Variants in CARMIL3 observed in about 807,000 individuals in gnomAD.
CARMIL3 encodes the protein capping protein, Arp2/3 and myosin-I linker protein 3.
A neutral mutation model predicts 180.8 loss-of-function variants in CARMIL3; 88 were observed. The ratio of observed to expected loss-of-function variants is 0.49; its 90% CI spans 0.41 to 0.58. CARMIL3 has a LOEUF of 0.58. Ranked by LOEUF, CARMIL3 falls within the 20% of genes least tolerant of loss-of-function variation. The pLI, the probability that CARMIL3 is intolerant of heterozygous loss-of-function variation, is 0.00. For synonymous variants in CARMIL3, 696 were observed against 714.5 expected (o/e 0.97, Z 0.41); for missense variants, 1,548 against 1,787.0 (o/e 0.87, Z 2.41).
At position 24,063,471 on chromosome 14, in the gene CARMIL3, C is replaced by G. The variant is rs202096319; in HGVS notation, c.2917C>G (p.His973Asp). The G allele has an allele frequency of 3.7e-6, 6 of 1,613,842 alleles. No homozygotes were observed. Among genetic ancestry groups the G allele is most frequent in the Non-Finnish European group, 1.7e-6 (2 of 1,180,026 alleles). The change falls in exon 31 of 40, where the codon CAT (histidine) becomes GAT (aspartate). Residue 973 changes from histidine to aspartate, a missense_variant. Physicochemically the swap from His to Asp is moderately conservative, Grantham distance 81. Coordinates refer to ENST00000342740, the MANE Select transcript of CARMIL3 (RefSeq NM_138360.4). ...ELPTHGYKLRHQTQGRPRPPR... is the reference protein window; with the variant it reads ...ELPTHGYKLRDQTQGRPRPPR... ...GCCCACTCATGGTTACAAACTAAGGCATCAAACACAAGGGAGGCCCCGCCC... is the reference window on the plus strand; with the variant it reads ...GCCCACTCATGGTTACAAACTAAGGGATCAAACACAAGGGAGGCCCCGCCC...
chr14:24,062,470 G>C lies in CARMIL3; in HGVS notation c.2481-10G>C. ...GCTAATGTTCTGAGTAGCCCCACCT[G>C]TGCCCACAGTGAAGTGAAGCTCTCA... On this transcript the variant is annotated splice_polypyrimidine_tract_variant and intron_variant, in intron 27 of 39. Transcript: ENST00000342740. 1.2e-6 allele frequency: 2 copies of C among 1,613,610 alleles called. No homozygotes were observed. The highest frequency in any genetic ancestry group is 8.5e-7 in the Non-Finnish European group (1 of 1,179,508).
chr14:24,065,611 C>A lies in CARMIL3; in HGVS notation c.3397-11C>A. ...CTGGGAACTGCTAATAAATAAGAGACCTTGTTCTAGGGCACTGAGGGGTCA... is the reference window on the plus strand; with the variant it reads ...CTGGGAACTGCTAATAAATAAGAGAACTTGTTCTAGGGCACTGAGGGGTCA... On this transcript the variant is annotated splice_polypyrimidine_tract_variant and intron_variant, in intron 33 of 39. Coordinates refer to ENST00000342740, the MANE Select transcript of CARMIL3 (RefSeq NM_138360.4). 6.3e-7 allele frequency: 1 copy of A among 1,597,994 alleles called. No individual in the cohort carries two copies. Among genetic ancestry groups the A allele is most frequent in the Non-Finnish European group, 8.5e-7 (1 of 1,173,816 alleles).
Position 24,069,497 on chromosome 14 carries a change from C to A in CARMIL3, c.*93C>A. 1 of 1,545,316 alleles carries A rather than the reference C, an allele frequency of 6.5e-7. No homozygotes were observed. ...CCAGTCCCCAGGGCCCCCTGCCAGC[C>A]CCTGTCCTACAGGGGCAAGACGGCA... On this transcript the variant is annotated 3_prime_UTR_variant, in exon 40 of 40. Transcript: ENST00000342740.
rs781530262 is a variant in CARMIL3 at position 24,065,214 on chromosome 14, G to A, written c.3337G>A (p.Glu1113Lys). 1.9e-6 allele frequency: 3 copies of A among 1,559,438 alleles called. No homozygotes were observed. The highest frequency in any genetic ancestry group is 4.6e-5 in the East Asian group (2 of 43,488). ...CTCTCCCTGCTGGAGCCCAGAGGAG[G>A]AGAGCAGCCTCCTCCCTGGATTTGG... ...NSSPCWSPEE[E>K]SSLLPGFGGG... The change falls in exon 33 of 40, where the codon GAG becomes AAG. Residue 1113 changes from glutamate to lysine, a missense_variant. This residue lies in a region of CARMIL3 where 668 missense variants were observed against 687.8 expected (regional missense o/e 0.97). Coordinates refer to ENST00000342740, the MANE Select transcript of CARMIL3 (RefSeq NM_138360.4).
At chr14:24,068,755 A>C (rs1162726411) in intron 37 of CARMIL3, 31 bp from the exon 38 acceptor site, 3 of 1,613,906 alleles carry the variant, frequency 1.9e-6, no homozygotes, top group Non-Finnish European at 2.5e-6. Flanking sequence ...CAAAGGGACT[A>C]ACTGACCCAG....
rs2035624340 is a variant in CARMIL3, at chr14:24,052,252, G to GT, written c.40+61dup. ...TCCGGGAGCATCCCAGACCCAGCGC[G>GT]TTCCTCCCCGTGGTGCATCCCAGCC... On this transcript the variant is annotated intron_variant, in intron 1 of 39. Transcript: ENST00000342740. 11 of 1,506,762 alleles carry GT rather than the reference G, an allele frequency of 7.3e-6. 1 individual carries two copies. In the South Asian group the frequency reaches 1.2e-4, roughly 17 times the overall value. The allele number at this position is 1,506,762 out of a possible 1,614,324, so 93.3% of individuals were successfully genotyped here.
Position 24,064,010 on chromosome 14 carries a change from C to T in CARMIL3, c.2980-236C>T, listed in dbSNP as rs553764393. Among the ~76,000 whole-genome samples, 286 of 149,938 alleles carry T rather than the reference C, an allele frequency of 1.9e-3. 1 individual carries two copies. Among genetic ancestry groups the T allele is most frequent in the African/African-American group, 3.1e-3 (128 of 40,714 alleles). On this transcript the variant is annotated intron_variant, in intron 31 of 39. Coordinates refer to ENST00000342740, the MANE Select transcript of CARMIL3 (RefSeq NM_138360.4). ...TCGGGAGGCTGAGGCAGGAGAACTG[C>T]GTGAACCCAGGAGGCGGAGGTTGCA... is the stretch of plus-strand genomic sequence containing the variant.
chr14:24,063,275 G>T, intron 30 of CARMIL3, 50 bp from the exon 31 acceptor site: 1 of 1,590,610 alleles, frequency 6.3e-7, no homozygotes, highest in South Asian at 1.1e-5. Context: ...TCCCCATCCT[G>T]CTTTCTCCCC....
At chr14:24,065,923 G>A (rs2035782721) in intron 34 of CARMIL3, among the ~76,000 whole-genome samples, 173 bp downstream of exon 34, 1 of 152,112 alleles carries the variant, frequency 6.6e-6, no homozygotes, top group African/African-American at 2.4e-5. Flanking sequence ...GCCCTGGACT[G>A]GTCACTTCAC....
intron 1 of CARMIL3, 86 bp downstream of exon 1, chr14:24,052,279 G>T: frequency 7.4e-7 from 1 of 1,360,032 alleles, no homozygotes; most frequent in Non-Finnish European, 9.9e-7. Context: ...ATCCCAGCCC[G>T]GTGTCTCACA....
Position 24,065,059 on chromosome 14 carries a change from C to A in CARMIL3, c.3182C>A (p.Pro1061His). 1 of 1,603,730 alleles carries A rather than the reference C, an allele frequency of 6.2e-7. No individual in the cohort carries two copies. Among genetic ancestry groups the A allele is most frequent in the Non-Finnish European group, 8.5e-7 (1 of 1,176,654 alleles). ...RRRGLFHFRRPRSFKGDRGPG... is the reference protein window; with the variant it reads ...RRRGLFHFRRHRSFKGDRGPG... ...CGGGGCCTGTTTCACTTTCGCCGGC[C>A]CCGGAGCTTCAAGGGGGACAGGGGG... The change falls in exon 33 of 40, where the codon CCC becomes CAC. Residue 1061 changes from proline (P) to histidine (H), a missense_variant. By Grantham distance (77) the Pro-to-His change is moderately conservative. Around this residue, in one of 4 missense-constraint regions of CARMIL3, gnomAD observed 668 missense variants for 687.8 expected, o/e 0.97. Transcript: ENST00000342740.
At position 24,054,066 on chromosome 14, in the gene CARMIL3, C is replaced by T. The variant is rs73603038; in HGVS notation, c.136-22C>T. ...AGGCCCAGCAGCTGCCATGAGCTGC[C>T]GATTTTTTCCTCTCTCTGTAGGCCC... On this transcript the variant is annotated intron_variant, in intron 2 of 39. Coordinates refer to ENST00000342740, the MANE Select transcript of CARMIL3 (RefSeq NM_138360.4). This position sits in a 1 kb window ranked among gnomAD's most constrained non-coding sequence, Gnocchi z 5.1. The T allele has an allele frequency of 7.0e-3, 11,212 of 1,612,738 alleles. 535 individuals are homozygous for T. The African/African-American group carries it at 0.12, about 17-fold the overall frequency.
Position 24,052,174 on chromosome 14 carries a change from G to C in CARMIL3, c.21G>C (p.Glu7Asp). The change falls in exon 1 of 40, where the codon GAG becomes GAC. Residue 7 changes from glutamate to aspartate, a missense_variant. Physicochemically the swap from Glu to Asp is conservative, Grantham distance 45. Coordinates refer to ENST00000342740, the MANE Select transcript of CARMIL3 (RefSeq NM_138360.4). ...CCGCCATGGCCAAGCCCAGCGTGGA[G>C]CTCACCCGCGAGTTGCAAGGTACGA... Reference protein sequence around the residue: MAKPSVELTRELQDSIR... With the variant: MAKPSVDLTRELQDSIR... The C allele has an allele frequency of 6.3e-7, 1 of 1,592,742 alleles. No individual in the cohort carries two copies. Among genetic ancestry groups the C allele is most frequent in the South Asian group, 1.1e-5 (1 of 88,512 alleles).
chr14:24,056,405 C>A lies in CARMIL3; in HGVS notation c.865+12C>A. The stretch of plus-strand genomic sequence containing the variant: ...CATCGAGGACAAGGGTGAGCCCCAG[C>A]CCTGAATCCTGTCCCCATCCCAATG... On this transcript the variant is annotated intron_variant, in intron 11 of 39. Coordinates refer to ENST00000342740, the MANE Select transcript of CARMIL3 (RefSeq NM_138360.4). The A allele has an allele frequency of 5.6e-6, 9 of 1,609,860 alleles. No individual in the cohort carries two copies. Among genetic ancestry groups the A allele is most frequent in the Non-Finnish European group, 5.9e-6 (7 of 1,177,138 alleles).
rs377283873 is a variant in CARMIL3 at position 24,054,410 on chromosome 14, G to A, written c.261G>A (p.Thr87=). 1.3e-4 allele frequency: 205 copies of A among 1,614,038 alleles called. No homozygotes were observed. The highest frequency in any genetic ancestry group is 1.6e-4 in the Middle Eastern group (1 of 6,084). Residue 87 remains threonine (T), a synonymous_variant, in exon 5 of 40, where the codon ACG becomes ACA. Coordinates refer to ENST00000342740, the MANE Select transcript of CARMIL3 (RefSeq NM_138360.4). The surrounding 1 kb of genome is among the most constrained non-coding windows in gnomAD (Gnocchi z 5.1). ...TLSQNQILVE[T]ERGMVSMRLP... is the part of the protein sequence containing the mutation. ...GTCTCCCCCAGATCCTGGTGGAGACGGAGCGTGGCATGGTGAGCATGCGAC... is the reference window on the plus strand; with the variant it reads ...GTCTCCCCCAGATCCTGGTGGAGACAGAGCGTGGCATGGTGAGCATGCGAC...
Position 24,058,576 on chromosome 14 carries a change from C to T in CARMIL3, c.1393-104C>T. On this transcript the variant is annotated intron_variant, in intron 17 of 39. Transcript: ENST00000342740. This position sits in a 1 kb window ranked among gnomAD's most constrained non-coding sequence, Gnocchi z 6.4. ...GTCTCCCTGATTTTACACCCAGATC[C>T]TGGCATGACTTTGAGTTCTGGTGTG... is the stretch of plus-strand genomic sequence containing the variant. 1 of 885,594 alleles carries T rather than the reference C, an allele frequency of 1.1e-6. No homozygotes were observed. Among genetic ancestry groups the T allele is most frequent in the Non-Finnish European group, 1.7e-6 (1 of 574,266 alleles). The allele number at this position is 885,594 out of a possible 1,614,324, so 54.9% of individuals were successfully genotyped here. A position where few individuals can be genotyped will look rare whatever the true frequency, so the allele number is the denominator to read the frequency against.
rs2035770976 is a variant in CARMIL3, at chr14:24,065,051, T to C, written c.3174T>C (p.Phe1058=). 1 of 1,606,748 alleles carries C rather than the reference T, an allele frequency of 6.2e-7. No homozygotes were observed. Among genetic ancestry groups the C allele is most frequent in the Non-Finnish European group, 8.5e-7 (1 of 1,177,874 alleles). Reference sequence around the variant, plus strand: ...AGAGGCGCCGGGGCCTGTTTCACTTTCGCCGGCCCCGGAGCTTCAAGGGGG... The same window carrying C: ...AGAGGCGCCGGGGCCTGTTTCACTTCCGCCGGCCCCGGAGCTTCAAGGGGG... ...QKKRRRGLFH[F]RRPRSFKGDR... The change falls in exon 33 of 40, where the codon TTT becomes TTC. Residue 1058 remains phenylalanine (F), a synonymous_variant. Transcript: ENST00000342740.
rs769157949 is a variant in CARMIL3 at position 24,060,216 on chromosome 14, C to G, written c.2022C>G (p.Phe674Leu). 1.2e-6 allele frequency: 2 copies of G among 1,614,150 alleles called. No individual in the cohort carries two copies. The highest frequency in any genetic ancestry group is 1.7e-5 in the Admixed American group (1 of 60,030). Residue 674 changes from phenylalanine (F) to leucine (L), a missense_variant, in exon 24 of 40, where the codon TTC becomes TTG. Coordinates refer to ENST00000342740, the MANE Select transcript of CARMIL3 (RefSeq NM_138360.4). ...AGACGTGCCCCCAGGAGCAGGCCTTCAGGTTGCAGCAGGGCCTGGTGACCA... is the reference window on the plus strand; with the variant it reads ...AGACGTGCCCCCAGGAGCAGGCCTTGAGGTTGCAGCAGGGCCTGGTGACCA... ...HSQTCPQEQAFRLQQGLVTSS... is the reference protein window; with the variant it reads ...HSQTCPQEQALRLQQGLVTSS...
At position 24,069,250 on chromosome 14, in the gene CARMIL3, G is replaced by C. The variant is rs2035833246; in HGVS notation, c.4093+3G>C. 6.2e-7 allele frequency: 1 copy of C among 1,614,046 alleles called. No homozygotes were observed. Among genetic ancestry groups the C allele is most frequent in the Middle Eastern group, 1.6e-4 (1 of 6,062 alleles). Reference sequence around the variant, plus strand: ...AAGACGGCCTCCTGACCCCACAGGTGCTGGTGGTGAGAGGGCAGGTCCCCC... The same window carrying C: ...AAGACGGCCTCCTGACCCCACAGGTCCTGGTGGTGAGAGGGCAGGTCCCCC... On this transcript the variant is annotated splice_donor_region_variant and intron_variant, in intron 39 of 39. Transcript: ENST00000342740.
Sources: gnomAD v4.1 joint callset for allele counts (sites outside exome capture counted in the v4.1 genomes callset) on GRCh38, gnomAD v4.1.1 for gene constraint, gnomAD v4.1.1 regional missense constraint, Gnocchi (gnomAD v3.1) non-coding constraint, MANE v1.5 for transcripts, NCBI Gene and HGNC (gene_info 2026-07-23, HGNC 2026-07-21) for gene names.